Variants in NECAB2 observed in about 807,000 individuals in gnomAD.
NECAB2 encodes N-terminal EF-hand calcium binding protein 2, also known as N-terminal EF-hand calcium-binding protein 2.
In NECAB2, 68 loss-of-function variants were observed where a neutral mutation model predicts 51.9. The observed-to-expected ratio is 1.31, with a 90% CI of 1.08 to 1.60. The LOEUF is 1.60. NECAB2 is among the 40% of genes most tolerant of loss of function. The pLI is 0.00. For missense variants in NECAB2, 854 were observed against 490.3 expected, an observed-to-expected ratio of 1.74 and a Z score of -7.00; for synonymous variants, 329 against 203.5, an observed-to-expected ratio of 1.62 and a Z score of -5.25.
intron 5 of NECAB2, among the ~76,000 whole-genome samples, chr16:83,990,241 C>T (rs1480420098): frequency 6.6e-6 from 1 of 152,156 alleles, no homozygotes; most frequent in Non-Finnish European, 1.5e-5. Flanking sequence ...TTCAGTGACC[C>T]CATTATACTC....
At chr16:83,975,229 G>C (rs2084395348) in intron 2 of NECAB2, among the ~76,000 whole-genome samples, 1 of 145,536 alleles carries the variant, frequency 6.9e-6, no homozygotes, top group African/African-American at 2.6e-5. Context: ...TGTGCAGGGA[G>C]GTGTTGGTGC....
chr16:83,990,927 C>G (rs60762077), intron 6 of NECAB2, among the ~76,000 whole-genome samples: 1 of 152,138 alleles, frequency 6.6e-6, no homozygotes, highest in African/African-American at 2.4e-5. Context: ...TTTGCTGCAT[C>G]CACATGCTAA....
At chr16:83,987,087 G>C (rs72793616) in intron 5 of NECAB2, among the ~76,000 whole-genome samples, 30,885 of 151,952 alleles carry the variant, frequency 0.2, 4,487 homozygotes, top group African/African-American at 0.41. Context: ...CCTGTAACAA[G>C]TTCTCAAATC....
At chr16:83,976,839 C>G (rs898281216) in intron 2 of NECAB2, among the ~76,000 whole-genome samples, 15 of 152,160 alleles carry the variant, frequency 9.9e-5, no homozygotes, top group African/African-American at 3.4e-4. Flanking sequence ...GAGGACCCCC[C>G]CTCTCCTGAG....
upstream of NECAB2, chr16:83,966,277 C>A (rs1173502949): frequency 5.9e-6 from 3 of 504,664 alleles, no homozygotes; most frequent in Non-Finnish European, 1.0e-5. Context: ...AGCCAGGAGA[C>A]CTGCAGCCCT....
intron 8 of NECAB2, among the ~76,000 whole-genome samples, chr16:83,996,318 C>G (rs1020386064): frequency 6.6e-6 from 1 of 152,208 alleles, no homozygotes; most frequent in Admixed American, 6.5e-5. Context: ...GCTGTGTGCC[C>G]CCAGAAGGCA....
rs567479369 is a variant in NECAB2 at position 83,991,953 on chromosome 16, G to C, written c.596+1323G>C. The stretch of plus-strand genomic sequence containing the variant: ...TACAGGCAGGAGCCACCACACCCCA[G>C]CCCACTTTTGAAAATTAGAAAGCAG... On this transcript the variant is annotated intron_variant, in intron 6 of 12. Coordinates refer to ENST00000305202, the MANE Select transcript of NECAB2 (RefSeq NM_019065.3). Among the ~76,000 whole-genome samples, 20 of 151,820 alleles carry C rather than the reference G, an allele frequency of 1.3e-4. No individual in the cohort carries two copies. The East Asian group carries it at 3.9e-3, about 29-fold the overall frequency.
intron 5 of NECAB2, among the ~76,000 whole-genome samples, chr16:83,987,235 T>C (rs1340322978): frequency 6.6e-6 from 1 of 152,234 alleles, no homozygotes; most frequent in Non-Finnish European, 1.5e-5. Flanking sequence ...TCAGAGACTT[T>C]GACTATTCTT....
intron 10 of NECAB2, among the ~76,000 whole-genome samples, chr16:84,000,403 C>T (rs1221544527): frequency 6.6e-6 from 1 of 152,158 alleles, no homozygotes; most frequent in African/African-American, 2.4e-5. Context: ...TGGTGCACTC[C>T]TCTAGTCCCC....
At chr16:83,966,290 G>A (rs575096157), upstream of NECAB2, 8 of 480,386 alleles carry the variant, frequency 1.7e-5, no homozygotes, top group South Asian at 4.1e-5. Flanking sequence ...GCAGCCCTGC[G>A]CCTTCCAGAA....
intron 9 of NECAB2, 102 bp downstream of exon 9, chr16:83,997,371 TGGGACCACCAG>T (rs2084723202): frequency 6.9e-7 from 1 of 1,454,214 alleles, no homozygotes; most frequent in African/African-American, 1.4e-5. Flanking sequence ...TCTCCCTGCT[TGGGACCACCAG>T]GAGGGGAGAT....
In NECAB2 at chr16:83,997,167, G is replaced by T. The variant is rs371665908; in HGVS notation, c.796-49G>T. 6 of 1,612,646 alleles carry T rather than the reference G, an allele frequency of 3.7e-6. No homozygotes were observed. The East Asian group carries it at 8.9e-5, about 24-fold the overall frequency. On this transcript the variant is annotated intron_variant, in intron 8 of 12. Coordinates refer to ENST00000305202, the MANE Select transcript of NECAB2 (RefSeq NM_019065.3). ...ATCCCAGAGCTCCTGGCTCCCCGGG[G>T]CGGAGTGGGGCTCTGGGTCTAGCAT... is the stretch of plus-strand genomic sequence containing the variant.
intron 10 of NECAB2, among the ~76,000 whole-genome samples, chr16:83,999,043 A>G (rs1002589201): frequency 1.3e-5 from 2 of 152,104 alleles, no homozygotes; most frequent in Non-Finnish European, 2.9e-5. Flanking sequence ...TCCCCAGAGC[A>G]CACACTCATT....
intron 2 of NECAB2, among the ~76,000 whole-genome samples, chr16:83,975,751 G>C (rs887288031): frequency 6.6e-6 from 1 of 152,140 alleles, no homozygotes; most frequent in Non-Finnish European, 1.5e-5. Flanking sequence ...CTGACAGGCT[G>C]ACAGGCTCTT....
rs981698040 is a variant in NECAB2 at position 84,001,586 on chromosome 16, T to C, written c.1041-239T>C. On this transcript the variant is annotated intron_variant, in intron 11 of 12. Coordinates refer to ENST00000305202, the MANE Select transcript of NECAB2 (RefSeq NM_019065.3). ...AGGGGGAGGTAGAGGCTCTGTGCAA[T>C]GAGTGGGGGGATCCCGCTGCCCATT... 2.0e-5 allele frequency among the ~76,000 whole-genome samples: 3 copies of C among 152,026 alleles called. No homozygotes were observed. In the South Asian group the frequency reaches 6.2e-4, roughly 32 times the overall value.
At chr16:84,002,242 T>C (rs1160893626) in intron 12 of NECAB2, 76 bp from the exon 13 acceptor site, 33 of 1,555,908 alleles carry the variant, frequency 2.1e-5, no homozygotes, top group Non-Finnish European at 2.8e-5. Context: ...CGACCTGTCA[T>C]TCAAGACGAC....
intron 5 of NECAB2, among the ~76,000 whole-genome samples, chr16:83,985,389 CT>C (rs1463724387): frequency 7.1e-6 from 1 of 140,460 alleles, no homozygotes; most frequent in Admixed American, 7.5e-5. Flanking sequence ...AATCCCAGCA[CT>C]TTGGGAGGCC....
chr16:84,002,605 G>A lies in NECAB2; in HGVS notation c.*259G>A, dbSNP rs1197100226. The A allele has an allele frequency of 3.5e-6, 2 of 575,580 alleles. No individual in the cohort carries two copies. The highest frequency in any genetic ancestry group is 3.1e-6 in the Non-Finnish European group (1 of 322,650). 35.7% of individuals were successfully genotyped at this position (575,580 alleles called of 1,614,324 possible). ...CCTGGAGCCAGCACCCCTGCCTCCT[G>A]GTCCTGGCCTCTCCCCTACCCCTCA... On this transcript the variant is annotated 3_prime_UTR_variant, in exon 13 of 13. Coordinates refer to ENST00000305202, the MANE Select transcript of NECAB2 (RefSeq NM_019065.3).
upstream of NECAB2, chr16:83,965,776 C>T: frequency 1.2e-6 from 2 of 1,613,158 alleles, no homozygotes; most frequent in Non-Finnish European, 1.7e-6. Context: ...CCCACCCCGA[C>T]CTCTCCTTCC....
Sources: gnomAD v4.1 joint callset for allele counts (sites outside exome capture counted in the v4.1 genomes callset) on GRCh38, gnomAD v4.1.1 for gene constraint, MANE v1.5 for transcripts, NCBI Gene and HGNC (gene_info 2026-07-23, HGNC 2026-07-21) for gene names.